Variants in VRK2 observed in about 807,000 individuals in gnomAD.
VRK2 encodes serine/threonine-protein kinase VRK2.
A neutral mutation model predicts 57.6 loss-of-function variants in VRK2; 60 were observed. The observed-to-expected ratio is 1.04, with a 90% CI of 0.85 to 1.29. The LOEUF is 1.29. Among genes scored for constraint, VRK2 ranks in the 50% most tolerant of loss-of-function variants. VRK2 has a pLI of 0.00. For missense variants in VRK2, 705 were observed against 588.1 expected, an observed-to-expected ratio of 1.20 and a Z score of -2.06; for synonymous variants, 231 against 199.2, an observed-to-expected ratio of 1.16 and a Z score of -1.35.
At chr2:58,072,476 T>G (rs927485075) in intron 2 of VRK2, among the ~76,000 whole-genome samples, 1 of 151,986 alleles carries the variant, frequency 6.6e-6, no homozygotes, top group Non-Finnish European at 1.5e-5. Flanking sequence ...ATTTTTATGA[T>G]GAATTAGATT....
intron 1 of VRK2, among the ~76,000 whole-genome samples, chr2:58,014,149 C>A (rs1459809473): frequency 6.6e-6 from 1 of 152,038 alleles, no homozygotes; most frequent in African/African-American, 2.4e-5. Context: ...AAAATTGATA[C>A]ATGTATTAAA....
chr2:58,083,058 A>G (rs1671123026), intron 2 of VRK2, among the ~76,000 whole-genome samples: 1 of 151,782 alleles, frequency 6.6e-6, no homozygotes. Flanking sequence ...TATATTGAAT[A>G]TATAAAAATA....
chr2:58,147,041 C>T (rs1682263698), intron 12 of VRK2: 1 of 382,762 alleles, frequency 2.6e-6, no homozygotes, highest in African/African-American at 2.1e-5. Flanking sequence ...AAATGACCAA[C>T]ATTTTATATG....
intron 1 of VRK2, among the ~76,000 whole-genome samples, chr2:57,967,198 G>A (rs1182115680): frequency 6.6e-6 from 1 of 152,094 alleles, no homozygotes; most frequent in African/African-American, 2.4e-5. Context: ...CACAGAGAGG[G>A]GAACATCACA....
chr2:57,979,255 T>C (rs1423870882), intron 1 of VRK2, among the ~76,000 whole-genome samples: 1 of 151,184 alleles, frequency 6.6e-6, no homozygotes, highest in Admixed American at 6.6e-5. Context: ...TCTTCCACAA[T>C]GGTCGAAGTA....
intron 1 of VRK2, among the ~76,000 whole-genome samples, chr2:57,979,322 C>T (rs1055601473): frequency 3.3e-5 from 5 of 151,050 alleles, no homozygotes; most frequent in East Asian, 3.9e-4. Flanking sequence ...GCCTGGCCAG[C>T]GTCTATTGTT....
At chr2:58,028,115 C>T (rs1309759179) in intron 2 of VRK2, among the ~76,000 whole-genome samples, 1 of 152,148 alleles carries the variant, frequency 6.6e-6, no homozygotes, top group African/African-American at 2.4e-5. Context: ...TGTCTGAATA[C>T]TGCACCTGGA....
intron 7 of VRK2, among the ~76,000 whole-genome samples, chr2:58,121,021 G>A (rs1677423564): frequency 6.6e-6 from 1 of 152,186 alleles, no homozygotes; most frequent in African/African-American, 2.4e-5. Context: ...TAACTTGACT[G>A]GTACTATTGC....
chr2:58,101,168 T>G (rs1191088182), intron 7 of VRK2, among the ~76,000 whole-genome samples: 1 of 151,696 alleles, frequency 6.6e-6, no homozygotes, highest in Non-Finnish European at 1.5e-5. Context: ...GAGGCTTCTT[T>G]TCCAGTGCTC....
chr2:57,925,184 T>G (rs908890482), intron 1 of VRK2, among the ~76,000 whole-genome samples: 1 of 152,032 alleles, frequency 6.6e-6, no homozygotes, highest in Admixed American at 6.6e-5. Flanking sequence ...TTGATATATC[T>G]TTGTCTGGTT....
intron 8 of VRK2, among the ~76,000 whole-genome samples, chr2:58,124,163 A>T (rs1376187582): frequency 2.0e-5 from 3 of 152,170 alleles, no homozygotes; most frequent in Middle Eastern, 3.2e-3. Context: ...GTCATAACCT[A>T]TGTCTTGTAT....
chr2:57,980,676 AG>A (rs1672394414), intron 1 of VRK2, among the ~76,000 whole-genome samples: 1 of 152,140 alleles, frequency 6.6e-6, no homozygotes, highest in African/African-American at 2.4e-5. Flanking sequence ...TGTCTCTTCA[AG>A]GTCTACAGAA....
chr2:58,063,635 G>C (rs1490147333), intron 2 of VRK2, among the ~76,000 whole-genome samples: 1 of 152,086 alleles, frequency 6.6e-6, no homozygotes, highest in Non-Finnish European at 1.5e-5. Context: ...CTCTGATGGA[G>C]ATGTACAAGG....
chr2:58,057,950 G>C (rs1331999936), intron 2 of VRK2, among the ~76,000 whole-genome samples: 1 of 151,994 alleles, frequency 6.6e-6, no homozygotes, highest in Non-Finnish European at 1.5e-5. Flanking sequence ...AAACAGTGTA[G>C]GAAAAATCAA....
At chr2:57,983,280 C>A (rs979112055) in intron 1 of VRK2, among the ~76,000 whole-genome samples, 2 of 152,154 alleles carry the variant, frequency 1.3e-5, no homozygotes, top group Non-Finnish European at 2.9e-5. Context: ...ATTTCTTTAA[C>A]CCTTCTTTCA....
chr2:57,972,000 T>A (rs1558519557), intron 1 of VRK2, among the ~76,000 whole-genome samples: 1 of 151,940 alleles, frequency 6.6e-6, no homozygotes, highest in Non-Finnish European at 1.5e-5. Flanking sequence ...CTTTGGCCAA[T>A]AAGAGCTTCT....
intron 2 of VRK2, among the ~76,000 whole-genome samples, chr2:58,056,008 A>G (rs978250242): frequency 6.6e-6 from 1 of 151,998 alleles, no homozygotes; most frequent in Admixed American, 6.6e-5. Context: ...TGCTTCTTGA[A>G]TAATGGATTT....
intron 1 of VRK2, among the ~76,000 whole-genome samples, chr2:57,930,977 T>A (rs563378156): frequency 6.6e-6 from 1 of 152,118 alleles, no homozygotes; most frequent in Non-Finnish European, 1.5e-5. Flanking sequence ...ACTGAGTATT[T>A]TTATTATATA....
chr2:58,081,456 T>G (rs908169273), intron 2 of VRK2, among the ~76,000 whole-genome samples: 2 of 151,980 alleles, frequency 1.3e-5, no homozygotes, highest in Non-Finnish European at 2.9e-5. Context: ...TTATTCTAAC[T>G]GTGTTTTCTT....
Sources: allele counts gnomAD v4.1 joint callset (sites outside exome capture counted in the v4.1 genomes callset), GRCh38; gene constraint gnomAD v4.1.1; transcripts MANE v1.5; gene names NCBI Gene and HGNC (gene_info 2026-07-23, HGNC 2026-07-21).